The following JADE2 variants were observed in gnomAD, a reference collection of about 807,000 sequenced individuals.
JADE2 encodes the protein jade family PHD finger 2, also known as E3 ubiquitin-protein ligase Jade-2.
JADE2 carries 13 observed loss-of-function variants against 85.7 expected under a neutral mutation model. The observed-to-expected ratio is 0.15, with a 90% CI of 0.10 to 0.24. The LOEUF (loss-of-function observed/expected upper bound fraction) is 0.24. Ranked by LOEUF, JADE2 falls within the 10% of genes least tolerant of loss-of-function variation. The pLI, the probability that JADE2 is intolerant of heterozygous loss-of-function variation, is 1.00. For synonymous variants in JADE2, 440 were observed against 456.1 expected (o/e 0.96, Z 0.45); for missense variants, 846 against 1,115.9 (o/e 0.76, Z 3.45).
intron 4 of JADE2, 96 bp from the exon 5 acceptor site, chr5:134,559,734 C>A: frequency 8.0e-7 from 1 of 1,252,524 alleles, no homozygotes; most frequent in Non-Finnish European, 1.1e-6. Context: ...CACACTTGTC[C>A]ATCAGCTCCT....
chr5:134,573,642 C>T lies in JADE2; in HGVS notation c.1435-3C>T. 2.5e-6 allele frequency: 4 copies of T among 1,606,470 alleles called. No homozygotes were observed. Among genetic ancestry groups the T allele is most frequent in the Non-Finnish European group, 2.6e-6 (3 of 1,173,070 alleles). Reference sequence around the variant, plus strand: ...AGGTGGAAAATCTCTCTTGTTTTCTCAGGTTAGAAATCTGTGCTACATGGT... The same window carrying T: ...AGGTGGAAAATCTCTCTTGTTTTCTTAGGTTAGAAATCTGTGCTACATGGT... On this transcript the variant is annotated splice_polypyrimidine_tract_variant and splice_region_variant and intron_variant, in intron 9 of 11. Transcript: ENST00000681547.
At chr5:134,536,063 T>C in intron 2 of JADE2, 148 bp downstream of exon 2, 1 of 698,126 alleles carries the variant, frequency 1.4e-6, no homozygotes, top group Non-Finnish European at 2.4e-6. Flanking sequence ...GTTTCTCCAC[T>C]CCTGCCCTTC....
intron 1 of JADE2, among the ~76,000 whole-genome samples, chr5:134,532,096 A>C (rs1419452679): frequency 1.3e-5 from 2 of 151,674 alleles, no homozygotes; most frequent in Admixed American, 6.6e-5. Context: ...TGTTGCCCAG[A>C]CTGATCTTGA....
chr5:134,530,251 G>A (rs1049147221), intron 1 of JADE2, among the ~76,000 whole-genome samples: 4 of 152,220 alleles, frequency 2.6e-5, no homozygotes, highest in African/African-American at 9.6e-5. Context: ...TTTTCCAGCC[G>A]AAATATCATT....
intron 3 of JADE2, 52 bp downstream of exon 3, chr5:134,538,135 C>T (rs1217208664): frequency 1.4e-6 from 2 of 1,407,596 alleles, no homozygotes; most frequent in East Asian, 4.6e-5. Context: ...AGTGAGCTGC[C>T]CTGCGGAGAC....
chr5:134,539,641 T>C (rs577427449), intron 3 of JADE2, among the ~76,000 whole-genome samples: 1 of 152,374 alleles, frequency 6.6e-6, no homozygotes, highest in African/African-American at 2.4e-5. Context: ...CGCAAGGTCA[T>C]TTAGCCAAGA....
Position 134,548,202 on chromosome 5 carries a change from G to A in JADE2, c.154-3850G>A, listed in dbSNP as rs192919504. On this transcript the variant is annotated intron_variant, in intron 3 of 11. Transcript: ENST00000681547. The stretch of plus-strand genomic sequence containing the variant: ...CTCGGAACTTGCAAAGACCACAGTC[G>A]GATTTGCATATTTCAACCCTTGGAG... Among the ~76,000 whole-genome samples the A allele has an allele frequency of 2.0e-4, 30 of 152,278 alleles. No homozygotes were observed. In the East Asian group the frequency reaches 4.4e-3, roughly 23 times the overall value.
At chr5:134,529,568 A>C (rs1761096477) in intron 1 of JADE2, among the ~76,000 whole-genome samples, 1 of 152,254 alleles carries the variant, frequency 6.6e-6, no homozygotes, top group Non-Finnish European at 1.5e-5. Flanking sequence ...GATGTATAGA[A>C]TAAGTGATTA....
Position 134,579,133 on chromosome 5 carries a change from G to A in JADE2, c.2321G>A (p.Gly774Glu), listed in dbSNP as rs544490806. 3.7e-6 allele frequency: 6 copies of A among 1,614,224 alleles called. No individual in the cohort carries two copies. The highest frequency in any genetic ancestry group is 5.1e-6 in the Non-Finnish European group (6 of 1,180,044). The change falls in exon 12 of 12, where the codon GGA (glycine) becomes GAA (glutamate). Residue 774 changes from glycine (G) to glutamate (E), a missense_variant. Physicochemically the swap from Gly to Glu is moderately conservative, Grantham distance 98. Transcript: ENST00000681547. The surrounding 1 kb of genome is among the most constrained non-coding windows in gnomAD (Gnocchi z 4.6). ...LPGARPDAGM[G>E]PPSAVAERPK... The stretch of plus-strand genomic sequence containing the variant: ...GGTGCCAGGCCTGATGCTGGGATGG[G>A]ACCACCTTCAGCTGTGGCTGAGAGG...
chr5:134,557,536 C>G (rs1373751219), intron 4 of JADE2, among the ~76,000 whole-genome samples: 1 of 116,576 alleles, frequency 8.6e-6, no homozygotes, highest in Admixed American at 9.2e-5. Flanking sequence ...CCCCCTCCCC[C>G]GAACCCACCA....
At chr5:134,561,025 C>A in intron 6 of JADE2, 68 bp downstream of exon 6, 1 of 1,403,348 alleles carries the variant, frequency 7.1e-7, no homozygotes, top group Non-Finnish European at 9.9e-7. Flanking sequence ...GCGACCCCCA[C>A]TTGGCTCTCC....
At chr5:134,561,065 A>C in intron 6 of JADE2, 108 bp downstream of exon 6, 1 of 865,454 alleles carries the variant, frequency 1.2e-6, no homozygotes, top group Non-Finnish European at 1.8e-6. Flanking sequence ...GCCCTTAAGA[A>C]GGAGGAGGAA....
At chr5:134,542,759 G>A (rs1163134099) in intron 3 of JADE2, among the ~76,000 whole-genome samples, 2 of 147,966 alleles carry the variant, frequency 1.4e-5, no homozygotes, top group East Asian at 4.1e-4. Context: ...TTGAGATGGA[G>A]TCTCACTTGG....
At chr5:134,532,113 A>G (rs1183337181) in intron 1 of JADE2, among the ~76,000 whole-genome samples, 1 of 151,618 alleles carries the variant, frequency 6.6e-6, no homozygotes, top group Non-Finnish European at 1.5e-5. Context: ...TTGAACTCCT[A>G]AGCTCAAGTG....
intron 1 of JADE2, among the ~76,000 whole-genome samples, chr5:134,535,290 G>A (rs372835409): frequency 5.9e-4 from 90 of 152,292 alleles, no homozygotes; most frequent in African/African-American, 2.0e-3. Flanking sequence ...TGGGCCTGAT[G>A]TGTCTCAGGG....
At chr5:134,569,745 G>A (rs1428491110) in intron 9 of JADE2, among the ~76,000 whole-genome samples, 1 of 152,166 alleles carries the variant, frequency 6.6e-6, no homozygotes, top group African/African-American at 2.4e-5. Flanking sequence ...GGCTCAGAAG[G>A]AAGTGGGTCC....
chr5:134,558,380 G>T (rs1581447466), intron 4 of JADE2, among the ~76,000 whole-genome samples: 1 of 144,928 alleles, frequency 6.9e-6, no homozygotes, highest in Non-Finnish European at 1.5e-5. Flanking sequence ...AAGCTCTTTA[G>T]TTTAATTAGA....
chr5:134,577,138 G>A (rs1021029298), intron 11 of JADE2: 34 of 478,964 alleles, frequency 7.1e-5, no homozygotes, highest in Admixed American at 4.6e-4. Context: ...GCTGGGCCAC[G>A]CCCACTCAGG....
intron 1 of JADE2, chr5:134,533,681 C>G (rs931003201): frequency 4.2e-6 from 2 of 477,090 alleles, no homozygotes; most frequent in African/African-American, 4.3e-5. Context: ...CTGAGGAAGA[C>G]GTAGGCTAGA....
Sources: allele counts gnomAD v4.1 joint callset (sites outside exome capture counted in the v4.1 genomes callset), GRCh38; gene constraint gnomAD v4.1.1; non-coding constraint Gnocchi (gnomAD v3.1); transcripts MANE v1.5; gene names NCBI Gene and HGNC (gene_info 2026-07-23, HGNC 2026-07-21).